LAMB3: variants seen among roughly 807,000 people sequenced by gnomAD.
LAMB3 encodes the protein laminin subunit beta-3.
LAMB3 carries 104 observed loss-of-function variants against 140.3 expected under a neutral mutation model. The ratio of observed to expected loss-of-function variants is 0.74; its 90% CI spans 0.63 to 0.87. The LOEUF (loss-of-function observed/expected upper bound fraction) is 0.87, where lower values mean the gene tolerates loss of function less well. Ranked by LOEUF, LAMB3 falls within the 40% of genes least tolerant of loss-of-function variation. The pLI, the probability that LAMB3 is intolerant of heterozygous loss-of-function variation, is 0.00. For synonymous variants in LAMB3, 592 were observed against 602.9 expected (o/e 0.98, Z 0.26); for missense variants, 1,531 against 1,575.2 (o/e 0.97, Z 0.47).
At chr1:209,639,675 A>G (rs1467515822) in intron 3 of LAMB3, among the ~76,000 whole-genome samples, 1 of 151,160 alleles carries the variant, frequency 6.6e-6, no homozygotes, top group African/African-American at 2.5e-5. Flanking sequence ...ACGCACACAC[A>G]CACACACAGA....
At chr1:209,649,664 C>A (rs887993498) in intron 3 of LAMB3, among the ~76,000 whole-genome samples, 4 of 152,202 alleles carry the variant, frequency 2.6e-5, no homozygotes, top group South Asian at 2.1e-4. Flanking sequence ...TGCCTATTCC[C>A]AAGACTTGAA....
chr1:209,617,024 T>C (rs1285914269), intron 21 of LAMB3, among the ~76,000 whole-genome samples: 1 of 152,342 alleles, frequency 6.6e-6, no homozygotes, highest in African/African-American at 2.4e-5. Flanking sequence ...TTCTCTCTCA[T>C]CTAATTCTGA....
intron 17 of LAMB3, 75 bp from the exon 18 acceptor site, chr1:209,622,755 T>C: frequency 6.3e-7 from 1 of 1,582,348 alleles, no homozygotes; most frequent in Non-Finnish European, 8.7e-7. Context: ...ATTCTGCGGA[T>C]CATCCTCTAT....
At position 209,622,650 on chromosome 1, in the gene LAMB3, T is replaced by A. The variant is rs773304144; in HGVS notation, c.2587A>T (p.Ile863Phe). ...TCCAAGCGCTGGGCACTGGATTGAA[T>A]CTGTGAGGCAGATTCCTCGGCTGCC... ...IRAAEESASQ[I>F]QSSAQRLETQ... Residue 863 changes from isoleucine to phenylalanine, a missense_variant, in exon 18 of 23, where the codon ATT (isoleucine) becomes TTT (phenylalanine). Ile to Phe is a conservative substitution (Grantham distance 21). Transcript: ENST00000356082. The A allele has an allele frequency of 1.2e-6, 2 of 1,614,024 alleles. No homozygotes were observed. The highest frequency in any genetic ancestry group is 2.7e-5 in the African/African-American group (2 of 74,914).
chr1:209,620,813 A>G (rs777960279), intron 18 of LAMB3, among the ~76,000 whole-genome samples: 2 of 152,208 alleles, frequency 1.3e-5, no homozygotes, highest in Non-Finnish European at 2.9e-5. Context: ...CATTTTGTCA[A>G]TTCCATTTGA....
chr1:209,617,618 G>A (rs1439602880), intron 20 of LAMB3, 32 bp from the exon 21 acceptor site: 5 of 1,612,116 alleles, frequency 3.1e-6, no homozygotes, highest in Non-Finnish European at 4.2e-6. Context: ...TGGCCTTTGT[G>A]GTGGGTCTCA....
At chr1:209,635,065 G>A (rs1025240623) in intron 5 of LAMB3, among the ~76,000 whole-genome samples, 1 of 152,018 alleles carries the variant, frequency 6.6e-6, no homozygotes, top group Non-Finnish European at 1.5e-5. Flanking sequence ...TATCTGATCT[G>A]TGAGAGCTTC....
chr1:209,616,614 C>T lies in LAMB3; in HGVS notation c.3239G>A (p.Arg1080Lys), dbSNP rs759916560. The change falls in exon 22 of 23, where the codon AGA becomes AAA. Residue 1080 changes from arginine to lysine, a missense_variant. Arg to Lys is a conservative substitution (Grantham distance 26). Coordinates refer to ENST00000356082, the MANE Select transcript of LAMB3 (RefSeq NM_000228.3). ...CAACTCAGCATACTTTTGTTTTATT[C>T]TCTCAAATCCCTGAAAAAGGTAGAA... ...QALSAQEGFE[R>K]IKQKYAELKD... 2 of 1,614,152 alleles carry T rather than the reference C, an allele frequency of 1.2e-6. No individual in the cohort carries two copies. The highest frequency in any genetic ancestry group is 1.7e-6 in the Non-Finnish European group (2 of 1,179,994).
Position 209,623,567 on chromosome 1 carries a change from T to G in LAMB3, c.2296A>C (p.Lys766Gln). Residue 766 changes from lysine (K) to glutamine (Q), a missense_variant, in exon 16 of 23, where the codon AAG becomes CAG. Physicochemically the swap from Lys to Gln is moderately conservative, Grantham distance 53. Coordinates refer to ENST00000356082, the MANE Select transcript of LAMB3 (RefSeq NM_000228.3). This position sits in a 1 kb window ranked among gnomAD's most constrained non-coding sequence, Gnocchi z 4.2. Reference protein sequence around the residue: ...AGGGGGTGSPKLVALRLEMSS... With the variant: ...AGGGGGTGSPQLVALRLEMSS... The stretch of plus-strand genomic sequence containing the variant: ...ATCTCCAGCCTCAGGGCCACAAGCT[T>G]GGGGCTGCCGGTGCCTCCTCCTCCT... 6.2e-7 allele frequency: 1 copy of G among 1,614,108 alleles called. No individual in the cohort carries two copies. The highest frequency in any genetic ancestry group is 8.5e-7 in the Non-Finnish European group (1 of 1,180,014).
At chr1:209,649,338 T>A (rs775563156) in intron 3 of LAMB3, among the ~76,000 whole-genome samples, 4 of 152,172 alleles carry the variant, frequency 2.6e-5, no homozygotes, top group Non-Finnish European at 5.9e-5. Flanking sequence ...GATTCCCCCC[T>A]GTTGAGGGCA....
chr1:209,646,813 A>G (rs1428412464), intron 3 of LAMB3, among the ~76,000 whole-genome samples: 2 of 152,228 alleles, frequency 1.3e-5, no homozygotes, highest in African/African-American at 4.8e-5. Context: ...TCTTTTATAG[A>G]GTGCTCATGA....
At chr1:209,635,625 A>G (rs1571825850) in intron 5 of LAMB3, among the ~76,000 whole-genome samples, 1 of 150,574 alleles carries the variant, frequency 6.6e-6, no homozygotes, top group African/African-American at 2.5e-5. Context: ...CTGGTCTTGA[A>G]CTCCTGACCT....
chr1:209,620,475 G>A (rs1319712108), intron 18 of LAMB3, among the ~76,000 whole-genome samples: 1 of 152,212 alleles, frequency 6.6e-6, no homozygotes, highest in East Asian at 1.9e-4. Context: ...TCCAGAGAGA[G>A]GAAAAACATT....
At position 209,643,003 on chromosome 1, in the gene LAMB3, C is replaced by T. The variant is rs114750536; in HGVS notation, c.184-4355G>A. Among the ~76,000 whole-genome samples, 1,407 of 152,326 alleles carry T rather than the reference C, an allele frequency of 9.2e-3. 19 individuals carry two copies. The highest frequency in any genetic ancestry group is 0.032 in the African/African-American group (1,328 of 41,574). ...GCATCATAGGCTTACAAACTGCATGCTGCTTATCACAGTAACATAGCCGAA... is the reference window on the plus strand; with the variant it reads ...GCATCATAGGCTTACAAACTGCATGTTGCTTATCACAGTAACATAGCCGAA... On this transcript the variant is annotated intron_variant, in intron 3 of 22. Coordinates refer to ENST00000356082, the MANE Select transcript of LAMB3 (RefSeq NM_000228.3).
chr1:209,617,632 G>T (rs201638986), intron 20 of LAMB3, 46 bp from the exon 21 acceptor site: 177 of 1,606,080 alleles, frequency 1.1e-4, no homozygotes, highest in South Asian at 6.8e-4. Flanking sequence ...GGTCTCATAG[G>T]TCGGGGGGTT....
intron 3 of LAMB3, among the ~76,000 whole-genome samples, chr1:209,640,348 G>C (rs1434684724): frequency 6.6e-6 from 1 of 152,152 alleles, no homozygotes; most frequent in Admixed American, 6.5e-5. Flanking sequence ...AGGAGTTCAA[G>C]ACCAGCCTGG....
At chr1:209,637,397 T>G (rs897162180) in intron 5 of LAMB3, among the ~76,000 whole-genome samples, 1 of 152,158 alleles carries the variant, frequency 6.6e-6, no homozygotes, top group African/African-American at 2.4e-5. Flanking sequence ...AATGAAAATG[T>G]TTCCTCCAAA....
chr1:209,641,101 TAA>T (rs57763866), intron 3 of LAMB3, among the ~76,000 whole-genome samples: 3 of 130,892 alleles, frequency 2.3e-5, no homozygotes, highest in Admixed American at 7.9e-5. Flanking sequence ...AAAAAAAATT[TAA>T]AAAAAAAAAA....
chr1:209,650,947 TCAG>T lies in LAMB3; in HGVS notation c.-6_-4del. On this transcript the variant is annotated 5_prime_UTR_variant, in exon 2 of 23. Transcript: ENST00000356082. ...CACAAGAGGAAGAATGGTCTCATCT[TCAG>T]CCAATGGGGTGATCCCCAGAAAGGA... 1 of 1,614,194 alleles carries T rather than the reference TCAG, an allele frequency of 6.2e-7. No individual in the cohort carries two copies.
Sources: gnomAD v4.1 joint callset for allele counts (sites outside exome capture counted in the v4.1 genomes callset) on GRCh38, gnomAD v4.1.1 for gene constraint, Gnocchi (gnomAD v3.1) non-coding constraint, MANE v1.5 for transcripts, NCBI Gene and HGNC (gene_info 2026-07-23, HGNC 2026-07-21) for gene names.